Variants in FER observed in about 807,000 individuals in gnomAD.
FER encodes the protein tyrosine-protein kinase Fer.
FER carries 63 observed loss-of-function variants against 111.0 expected under a neutral mutation model. The observed-to-expected ratio is 0.57, with a 90% CI of 0.46 to 0.70. The LOEUF (loss-of-function observed/expected upper bound fraction) is 0.70. Ranked by LOEUF, FER falls within the 30% of genes least tolerant of loss-of-function variation. FER has a pLI of 0.00. For synonymous variants in FER, 327 were observed against 313.9 expected (o/e 1.04, Z -0.44); for missense variants, 914 against 954.0 (o/e 0.96, Z 0.55).
intron 17 of FER, among the ~76,000 whole-genome samples, chr5:109,140,380 C>T (rs756745286): frequency 3.9e-5 from 6 of 152,076 alleles, no homozygotes; most frequent in Non-Finnish European, 5.9e-5. Flanking sequence ...ATCTTGTGCT[C>T]TTATTGGCCA....
intron 13 of FER, among the ~76,000 whole-genome samples, chr5:108,997,486 G>A (rs1764149787): frequency 6.6e-6 from 1 of 151,216 alleles, no homozygotes; most frequent in Non-Finnish European, 1.5e-5. Flanking sequence ...CATGTCATCT[G>A]CAAGTAGAGA....
chr5:109,075,446 T>C (rs1247176818), intron 16 of FER, among the ~76,000 whole-genome samples: 20 of 145,668 alleles, frequency 1.4e-4, no homozygotes, highest in East Asian at 9.6e-4. Flanking sequence ...TTTTTTTTTT[T>C]TGAGGCAGAG....
At chr5:108,900,641 A>G (rs1048076058) in intron 10 of FER, among the ~76,000 whole-genome samples, 3 of 152,326 alleles carry the variant, frequency 2.0e-5, no homozygotes, top group Non-Finnish European at 4.4e-5. Flanking sequence ...ACAATGAATT[A>G]TGCTCCATGA....
intron 10 of FER, among the ~76,000 whole-genome samples, chr5:108,921,414 A>G (rs543656963): frequency 6.6e-6 from 1 of 152,278 alleles, no homozygotes; most frequent in East Asian, 1.9e-4. Context: ...TGTAGCTCTC[A>G]GAAGGTAGGC....
chr5:108,837,488 T>G (rs1341611809), intron 5 of FER, among the ~76,000 whole-genome samples: 1 of 152,220 alleles, frequency 6.6e-6, no homozygotes, highest in Non-Finnish European at 1.5e-5. Flanking sequence ...CATGCCTGGC[T>G]AGCATTCTCA....
chr5:109,138,459 T>C (rs1289662053), intron 17 of FER, among the ~76,000 whole-genome samples: 4 of 152,200 alleles, frequency 2.6e-5, no homozygotes, highest in African/African-American at 7.2e-5. Context: ...TATATACATA[T>C]ATCCAATCAT....
At chr5:109,017,015 G>C (rs147551255) in intron 13 of FER, among the ~76,000 whole-genome samples, 23 of 152,018 alleles carry the variant, frequency 1.5e-4, no homozygotes, top group African/African-American at 5.3e-4. Flanking sequence ...AAAGCCCTCA[G>C]CAGATTCTGT....
chr5:109,122,755 G>A (rs1434594123), intron 17 of FER, among the ~76,000 whole-genome samples: 3 of 151,888 alleles, frequency 2.0e-5, no homozygotes, highest in Non-Finnish European at 4.4e-5. Context: ...TCAAGTGTTG[G>A]GTGCATACAT....
intron 16 of FER, among the ~76,000 whole-genome samples, chr5:109,073,128 A>G (rs532038398): frequency 6.6e-6 from 1 of 152,184 alleles, no homozygotes; most frequent in Non-Finnish European, 1.5e-5. Flanking sequence ...AGTCCCAGGT[A>G]GACATAAATT....
At chr5:108,812,779 C>A (rs543128146) in intron 3 of FER, among the ~76,000 whole-genome samples, 1 of 151,992 alleles carries the variant, frequency 6.6e-6, no homozygotes, top group Non-Finnish European at 1.5e-5. Context: ...ACATCTATAA[C>A]TTACTATAAG....
At chr5:108,835,428 G>T (rs111818426) in intron 4 of FER, among the ~76,000 whole-genome samples, 1 of 151,998 alleles carries the variant, frequency 6.6e-6, no homozygotes, top group African/African-American at 2.4e-5. Flanking sequence ...CAAGTGATCT[G>T]CTTGTTTTAG....
intron 13 of FER, among the ~76,000 whole-genome samples, chr5:108,980,638 T>A (rs893118394): frequency 6.6e-6 from 1 of 152,100 alleles, no homozygotes; most frequent in South Asian, 2.1e-4. Context: ...CTTTGCAAGA[T>A]CAAAGGAAGC....
intron 10 of FER, among the ~76,000 whole-genome samples, chr5:108,939,966 A>C (rs1019381839): frequency 2.0e-5 from 3 of 152,102 alleles, no homozygotes; most frequent in Non-Finnish European, 4.4e-5. Flanking sequence ...ACAGAAATGA[A>C]ATATGTACTT....
At chr5:108,881,818 C>T (rs1029146618) in intron 8 of FER, among the ~76,000 whole-genome samples, 1 of 151,996 alleles carries the variant, frequency 6.6e-6, no homozygotes, top group Non-Finnish European at 1.5e-5. Context: ...ACCTTCATGA[C>T]TTCATCTAAT....
rs904212420 is a variant in FER, at chr5:109,191,243, C to T, written c.*3668C>T. ...GTTTTTCAGGGTTCTTTCAGTCACA[C>T]CACTTTATAATTAATTCTGGTGAGT... On this transcript the variant is annotated 3_prime_UTR_variant, in exon 20 of 20. Transcript: ENST00000281092. 3.4e-4 allele frequency: 51 copies of T among 152,106 alleles called. No individual in the cohort carries two copies. Among genetic ancestry groups the T allele is most frequent in the African/African-American group, 1.1e-3 (47 of 41,446 alleles). 9.4% of individuals were successfully genotyped at this position (152,106 alleles called of 1,614,324 possible).
At chr5:109,107,867 T>C (rs1412928511) in intron 17 of FER, among the ~76,000 whole-genome samples, 1 of 152,160 alleles carries the variant, frequency 6.6e-6, no homozygotes, top group African/African-American at 2.4e-5. Context: ...TAGGCTAATA[T>C]AACCTGCCAG....
At chr5:108,803,068 T>C (rs896069196) in intron 3 of FER, among the ~76,000 whole-genome samples, 4 of 152,154 alleles carry the variant, frequency 2.6e-5, no homozygotes, top group African/African-American at 7.2e-5. Context: ...CTCATTGTGG[T>C]CTTGATTTGC....
intron 13 of FER, among the ~76,000 whole-genome samples, chr5:109,007,422 A>G (rs1004438976): frequency 1.3e-5 from 2 of 151,182 alleles, no homozygotes; most frequent in Non-Finnish European, 3.0e-5. Flanking sequence ...GTCAAATTAT[A>G]GAACAATTGC....
intron 3 of FER, among the ~76,000 whole-genome samples, chr5:108,821,661 C>T (rs566083937): frequency 9.3e-4 from 141 of 151,676 alleles, no homozygotes; most frequent in South Asian, 2.1e-3. Flanking sequence ...CCCTCTGTCT[C>T]CTTAGAGGTT....
Sources: gnomAD v4.1 joint callset for allele counts (sites outside exome capture counted in the v4.1 genomes callset) on GRCh38, gnomAD v4.1.1 for gene constraint, MANE v1.5 for transcripts, NCBI Gene and HGNC (gene_info 2026-07-23, HGNC 2026-07-21) for gene names.